RP2: variants seen among roughly 807,000 people sequenced by gnomAD.
RP2 encodes protein XRP2.
RP2 carries 3 observed loss-of-function variants against 20.3 expected under a neutral mutation model. The observed-to-expected ratio is 0.15, with a 90% CI of 0.07 to 0.38. The LOEUF (loss-of-function observed/expected upper bound fraction) is 0.38, where lower values mean the gene tolerates loss of function less well. Among genes scored for constraint, RP2 ranks in the 10% least tolerant of loss-of-function variants. RP2 has a pLI of 1.00. For synonymous variants in RP2, 75 were observed against 94.8 expected, an observed-to-expected ratio of 0.79 and a Z score of 1.22; for missense variants, 233 against 268.5, an observed-to-expected ratio of 0.87 and a Z score of 0.92.
intron 1 of RP2, among the ~76,000 whole-genome samples, chrX:46,844,132 T>G (rs1240095514): frequency 8.9e-6 from 1 of 112,160 alleles, no homozygotes; most frequent in Non-Finnish European, 1.9e-5. Context: ...AAAAAATATA[T>G]TTTTGACCCT....
intron 1 of RP2, among the ~76,000 whole-genome samples, chrX:46,846,161 C>G (rs1924711838): frequency 8.9e-6 from 1 of 111,825 alleles, no homozygotes; most frequent in African/African-American, 3.2e-5. Flanking sequence ...TGGGTTGTTT[C>G]CAATTTTGGT....
At chrX:46,867,344 G>A (rs1324841823) in intron 3 of RP2, among the ~76,000 whole-genome samples, 1 of 112,433 alleles carries the variant, frequency 8.9e-6, no homozygotes, top group Non-Finnish European at 1.9e-5. Flanking sequence ...CAGGCGATCC[G>A]CCCGCCTCGG....
chrX:46,848,056 G>T (rs1924789632), intron 1 of RP2, among the ~76,000 whole-genome samples: 1 of 105,099 alleles, frequency 9.5e-6, no homozygotes, highest in Non-Finnish European at 1.9e-5. Context: ...ACCCTTATGG[G>T]GTTTTTATGG....
intron 1 of RP2, among the ~76,000 whole-genome samples, chrX:46,847,724 G>GTGTGTATATACACACATA (rs1569531356): frequency 4.1e-5 from 4 of 96,632 alleles, no homozygotes; most frequent in African/African-American, 1.5e-4. Context: ...ACATATATGT[G>GTGTGTATATACACACATA]TGTGTGTATA....
At position 46,843,096 on chromosome X, in the gene RP2, C is replaced by T. The variant is rs1320916509; in HGVS notation, c.102+5894C>T. Reference sequence around the variant, plus strand: ...GATCTCAGCTCACTGCAAGCTCCGCCTCCCGGGTTCACGCCATTCTCCTGT... The same window carrying T: ...GATCTCAGCTCACTGCAAGCTCCGCTTCCCGGGTTCACGCCATTCTCCTGT... On this transcript the variant is annotated intron_variant, in intron 1 of 4. Coordinates refer to ENST00000218340, the MANE Select transcript of RP2 (RefSeq NM_006915.3). 3.7e-5 allele frequency among the ~76,000 whole-genome samples: 4 copies of T among 107,541 alleles called. No homozygotes were observed. In the East Asian group the frequency reaches 8.7e-4, roughly 23 times the overall value. 93.4% of individuals were successfully genotyped at this position (107,541 alleles called of 115,157 possible).
chrX:46,866,250 T>C (rs1556322447), intron 3 of RP2, among the ~76,000 whole-genome samples: 1 of 111,993 alleles, frequency 8.9e-6, no homozygotes, highest in Non-Finnish European at 1.9e-5. Context: ...ATGATCTGGG[T>C]GCTAGGTGTG....
chrX:46,845,020 T>C (rs180806171), intron 1 of RP2, among the ~76,000 whole-genome samples: 77 of 112,247 alleles, frequency 6.9e-4, no homozygotes, highest in African/African-American at 2.3e-3. Context: ...GTACATTTTT[T>C]ACTTGTATAA....
rs782133053 is a variant in RP2, at chrX:46,849,956, T to A, written c.103-3520T>A. Among the ~76,000 whole-genome samples the A allele has an allele frequency of 6.2e-5, 7 of 112,192 alleles. No homozygotes were observed. In the East Asian group the frequency reaches 2.0e-3, roughly 31 times the overall value. On this transcript the variant is annotated intron_variant, in intron 1 of 4. Coordinates refer to ENST00000218340, the MANE Select transcript of RP2 (RefSeq NM_006915.3). ...TCCTTATAAGAAGATTCAGTTAGCT[T>A]GCACTTGCTCCCTCCCTCTCCTTCA...
intron 1 of RP2, among the ~76,000 whole-genome samples, chrX:46,850,365 GACT>G (rs1387175768): frequency 8.9e-6 from 1 of 111,989 alleles, no homozygotes; most frequent in Non-Finnish European, 1.9e-5. Context: ...CTTTCTGTAT[GACT>G]ACAATAGTCT....
chrX:46,838,042 A>T (rs1924547011), intron 1 of RP2, among the ~76,000 whole-genome samples: 1 of 112,704 alleles, frequency 8.9e-6, no homozygotes, highest in African/African-American at 3.2e-5. Context: ...TGCTTACTAA[A>T]CTACTTTGAT....
chrX:46,879,077 A>G (rs1187355806), intron 4 of RP2, among the ~76,000 whole-genome samples: 1 of 98,630 alleles, frequency 1.0e-5, no homozygotes. Context: ...AAAAAAAAAA[A>G]AAAAAAAAAA....
chrX:46,865,376 A>G (rs1315753290), intron 3 of RP2, among the ~76,000 whole-genome samples: 1 of 111,624 alleles, frequency 9.0e-6, no homozygotes, highest in Non-Finnish European at 1.9e-5. Context: ...TTTATCTGAC[A>G]TTTTCCTCTG....
intron 1 of RP2, among the ~76,000 whole-genome samples, chrX:46,847,898 A>C (rs962030080): frequency 8.0e-5 from 7 of 87,447 alleles, no homozygotes; most frequent in African/African-American, 2.9e-4. Context: ...ATGCGTATAT[A>C]CATATATATG....
At chrX:46,879,134 G>C (rs782648235) in intron 4 of RP2, among the ~76,000 whole-genome samples, 1 of 105,643 alleles carries the variant, frequency 9.5e-6, no homozygotes, top group East Asian at 2.9e-4. Context: ...CAGCTACTTG[G>C]GGGGCTGAGG....
At chrX:46,855,767 G>A (rs1556319096) in intron 2 of RP2, among the ~76,000 whole-genome samples, 2 of 108,662 alleles carry the variant, frequency 1.8e-5, no homozygotes, top group Non-Finnish European at 3.8e-5. Flanking sequence ...ACGCTCGGCC[G>A]GAAAACTCAT....
intron 1 of RP2, among the ~76,000 whole-genome samples, chrX:46,841,877 A>G (rs1924628031): frequency 8.9e-6 from 1 of 112,303 alleles, no homozygotes; most frequent in Non-Finnish European, 1.9e-5. Flanking sequence ...TTCATATGCC[A>G]TACAATTCAC....
chrX:46,870,639 C>A (rs782023388), intron 3 of RP2, among the ~76,000 whole-genome samples: 2 of 112,084 alleles, frequency 1.8e-5, no homozygotes, highest in Non-Finnish European at 3.8e-5. Flanking sequence ...ACAAAGGACA[C>A]TTTCTTATAC....
chrX:46,868,511 G>A (rs782739605), intron 3 of RP2, among the ~76,000 whole-genome samples: 1 of 111,161 alleles, frequency 9.0e-6, no homozygotes, highest in South Asian at 3.8e-4. Flanking sequence ...TAGGCCGGGC[G>A]CAGTGGCTCA....
At chrX:46,854,578 G>GA (rs1275947210) in intron 2 of RP2, among the ~76,000 whole-genome samples, 8 of 110,513 alleles carry the variant, frequency 7.2e-5, no homozygotes, top group Non-Finnish European at 1.5e-4. Flanking sequence ...ACTCAGAAAT[G>GA]ATGAACTATA....
Sources: gnomAD v4.1 joint callset for allele counts (sites outside exome capture counted in the v4.1 genomes callset) on GRCh38, gnomAD v4.1.1 for gene constraint, MANE v1.5 for transcripts, NCBI Gene and HGNC (gene_info 2026-07-23, HGNC 2026-07-21) for gene names.